The following CNOT6L variants were observed in gnomAD, a reference collection of about 807,000 sequenced individuals.
CNOT6L encodes the protein CCR4-NOT transcription complex subunit 6-like.
A neutral mutation model predicts 64.0 loss-of-function variants in CNOT6L; 7 were observed. That is an observed-to-expected ratio of 0.11 (90% CI 0.06 to 0.21). The LOEUF is 0.21. Ranked by LOEUF, CNOT6L falls within the 10% of genes least tolerant of loss-of-function variation. The probability of loss-of-function intolerance (pLI) is 1.00; values close to 1 mark genes in which losing one functional copy is unlikely to be tolerated. For synonymous variants in CNOT6L, 193 were observed against 243.4 expected (o/e 0.79, Z 1.93); for missense variants, 245 against 669.0 (o/e 0.37, Z 6.99).
intron 4 of CNOT6L, among the ~76,000 whole-genome samples, chr4:77,765,369 TA>T (rs11434861): frequency 6.0e-5 from 9 of 150,438 alleles, no homozygotes; most frequent in African/African-American, 9.8e-5. Context: ...TGCTTTCACT[TA>T]AAAAAAAAAA....
chr4:77,796,159 CATT>C, intron 1 of CNOT6L, among the ~76,000 whole-genome samples: 1 of 149,780 alleles, frequency 6.7e-6, no homozygotes, highest in Non-Finnish European at 1.5e-5. Flanking sequence ...CCCCTCATGA[CATT>C]TTTTTTTTAT....
intron 4 of CNOT6L, among the ~76,000 whole-genome samples, chr4:77,758,899 A>G (rs1250084314): frequency 6.6e-6 from 1 of 152,154 alleles, no homozygotes; most frequent in Non-Finnish European, 1.5e-5. Flanking sequence ...CCAAAGCTTA[A>G]CAGACCTAGA....
chr4:77,728,900 G>A lies in CNOT6L; in HGVS notation c.1206C>T (p.Ser402=). The change falls in exon 10 of 12, where the codon TCC becomes TCT. Residue 402 remains serine, a synonymous_variant. Transcript: ENST00000504123. ...RPGSPTADPN[S]IPLVLCADLN... is the part of the protein sequence containing the mutation. Reference sequence around the variant, plus strand: ...GATCTGCACATAGCACCAGCGGGATGGAATTAGGATCTGCAGTTGGGCTTC... The same window carrying A: ...GATCTGCACATAGCACCAGCGGGATAGAATTAGGATCTGCAGTTGGGCTTC... The A allele has an allele frequency of 1.2e-6, 2 of 1,613,734 alleles. No homozygotes were observed. The highest frequency in any genetic ancestry group is 1.7e-6 in the Non-Finnish European group (2 of 1,179,690).
At chr4:77,793,276 C>G (rs140763025) in intron 1 of CNOT6L, among the ~76,000 whole-genome samples, 2 of 152,140 alleles carry the variant, frequency 1.3e-5, no homozygotes, top group South Asian at 2.1e-4. Context: ...GAGAAGCAGA[C>G]AGCTATTCCA....
chr4:77,733,972 G>C (rs1488660346), intron 8 of CNOT6L, among the ~76,000 whole-genome samples: 1 of 151,974 alleles, frequency 6.6e-6, no homozygotes, highest in African/African-American at 2.4e-5. Flanking sequence ...CTGACAACTG[G>C]GTCTGTCTTT....
intron 9 of CNOT6L, among the ~76,000 whole-genome samples, chr4:77,731,130 G>A (rs1033546038): frequency 3.9e-5 from 6 of 151,914 alleles, no homozygotes; most frequent in African/African-American, 1.5e-4. Flanking sequence ...GAACTGTTTG[G>A]GATTAATGGC....
At chr4:77,792,167 T>C (rs546988330) in intron 1 of CNOT6L, among the ~76,000 whole-genome samples, 23 of 152,234 alleles carry the variant, frequency 1.5e-4, no homozygotes, top group Admixed American at 3.3e-4. Flanking sequence ...AATAGAATCA[T>C]TAGTAAGTAA....
chr4:77,748,478 G>A, intron 5 of CNOT6L, 94 bp from the exon 6 acceptor site: 1 of 817,074 alleles, frequency 1.2e-6, no homozygotes, highest in Non-Finnish European at 2.1e-6. Flanking sequence ...TTTCTATTCT[G>A]CTGTAACGGC....
chr4:77,806,078 C>T (rs1262696823), intron 1 of CNOT6L, among the ~76,000 whole-genome samples: 1 of 152,146 alleles, frequency 6.6e-6, no homozygotes, highest in African/African-American at 2.4e-5. Context: ...CCTCCTTCTT[C>T]CCAGTCCCAT....
chr4:77,797,102 C>CAAAAAAAAAAAAAAAA (rs386400560), intron 1 of CNOT6L, among the ~76,000 whole-genome samples: 1 of 52,988 alleles, frequency 1.9e-5, no homozygotes, highest in Non-Finnish European at 3.1e-5. Flanking sequence ...GACCTTGTCT[C>CAAAAAAAAAAAAAAAA]AAAAAAAAAA....
intron 8 of CNOT6L, among the ~76,000 whole-genome samples, chr4:77,734,351 A>G (rs778335031): frequency 3.3e-5 from 5 of 152,152 alleles, no homozygotes; most frequent in African/African-American, 4.8e-5. Context: ...TTCTCTACAC[A>G]CATACACACA....
Position 77,717,104 on chromosome 4 carries a change from A to AGAAT in CNOT6L, c.*3323_*3326dup, listed in dbSNP as rs1415388838. 2 of 152,558 alleles carry AGAAT rather than the reference A, an allele frequency of 1.3e-5. No homozygotes were observed. The highest frequency in any genetic ancestry group is 4.8e-5 in the African/African-American group (2 of 41,448). The allele number at this position is 152,558 out of a possible 1,614,324, so 9.5% of individuals were successfully genotyped here. A position where few individuals can be genotyped will look rare whatever the true frequency, so the allele number is the denominator to read the frequency against. On this transcript the variant is annotated 3_prime_UTR_variant, in exon 12 of 12. Coordinates refer to ENST00000504123, the MANE Select transcript of CNOT6L (RefSeq NM_144571.3). Reference sequence around the variant, plus strand: ...ATCTGAATTCTAAAAAGTTGCCTATAGAATGGTGCTGGGATTCTGTTCTCT... The same window carrying AGAAT: ...ATCTGAATTCTAAAAAGTTGCCTATAGAATGAATGGTGCTGGGATTCTGTTCTCT...
intron 5 of CNOT6L, among the ~76,000 whole-genome samples, chr4:77,748,693 TA>T: frequency 6.6e-6 from 1 of 152,326 alleles, no homozygotes; most frequent in East Asian, 1.9e-4. Flanking sequence ...ATTATATATG[TA>T]AATTGTATTG....
At chr4:77,806,881 T>C (rs1732288312) in intron 1 of CNOT6L, among the ~76,000 whole-genome samples, 1 of 152,222 alleles carries the variant, frequency 6.6e-6, no homozygotes, top group Admixed American at 6.5e-5. Context: ...TCTGCTGATA[T>C]GATTTCCATG....
intron 1 of CNOT6L, among the ~76,000 whole-genome samples, chr4:77,801,292 T>C (rs1164032059): frequency 6.6e-6 from 1 of 152,138 alleles, no homozygotes; most frequent in Non-Finnish European, 1.5e-5. Context: ...TCCTGGCAAA[T>C]AGATACTCTG....
chr4:77,733,452 C>T (rs187962359), intron 8 of CNOT6L, among the ~76,000 whole-genome samples: 1 of 152,136 alleles, frequency 6.6e-6, no homozygotes, highest in Admixed American at 6.6e-5. Context: ...AATGTTAAAA[C>T]TTGTATTTGA....
intron 11 of CNOT6L, 194 bp downstream of exon 11, chr4:77,725,969 GAGCA>G (rs1183547526): frequency 8.8e-6 from 5 of 567,802 alleles, no homozygotes; most frequent in South Asian, 6.4e-5. Context: ...ACAAGCAAGA[GAGCA>G]AGAAGAATTT....
intron 9 of CNOT6L, among the ~76,000 whole-genome samples, chr4:77,730,843 G>A (rs186265106): frequency 3.7e-4 from 56 of 152,104 alleles, no homozygotes; most frequent in Non-Finnish European, 7.1e-4. Context: ...GCAGTAAGAA[G>A]GATAAAAAAG....
chr4:77,761,294 T>C (rs993150996), intron 4 of CNOT6L, among the ~76,000 whole-genome samples: 2 of 151,890 alleles, frequency 1.3e-5, no homozygotes, highest in African/African-American at 2.4e-5. Context: ...TGCAGGAGAA[T>C]CAACCAAATG....
Sources: gnomAD v4.1 joint callset for allele counts (sites outside exome capture counted in the v4.1 genomes callset) on GRCh38, gnomAD v4.1.1 for gene constraint, MANE v1.5 for transcripts, NCBI Gene and HGNC (gene_info 2026-07-23, HGNC 2026-07-21) for gene names.